The following ERBIN variants were observed in gnomAD, a reference collection of about 807,000 sequenced individuals.
ERBIN encodes erbb2 interacting protein.
A neutral mutation model predicts 158.4 loss-of-function variants in ERBIN; 60 were observed. The ratio of observed to expected loss-of-function variants is 0.38; its 90% CI spans 0.31 to 0.47. ERBIN has a LOEUF of 0.47. Among genes scored for constraint, ERBIN ranks in the 20% least tolerant of loss-of-function variants. The probability of loss-of-function intolerance (pLI) is 0.99; values close to 1 mark genes in which losing one functional copy is unlikely to be tolerated. For missense variants in ERBIN, 1,610 were observed against 1,648.0 expected (o/e 0.98, Z 0.40); for synonymous variants, 594 against 557.2 (o/e 1.07, Z -0.93).
At chr5:65,980,629 GA>G (rs955235809) in intron 1 of ERBIN, among the ~76,000 whole-genome samples, 6 of 151,822 alleles carry the variant, frequency 4.0e-5, no homozygotes, top group African/African-American at 1.5e-4. Context: ...GTAATCCATG[GA>G]AAATATATAC....
intron 1 of ERBIN, among the ~76,000 whole-genome samples, chr5:65,946,371 A>G (rs1363500593): frequency 6.6e-6 from 1 of 151,902 alleles, no homozygotes; most frequent in Non-Finnish European, 1.5e-5. Context: ...CTCATAAATG[A>G]ATGAATGAAT....
At chr5:66,023,229 A>G (rs964808052) in intron 8 of ERBIN, 61 bp from the exon 9 acceptor site, 16 of 1,222,050 alleles carry the variant, frequency 1.3e-5, no homozygotes, top group Admixed American at 3.7e-5. Flanking sequence ...TTCTTTTGCC[A>G]GATAAAGACA....
intron 4 of ERBIN, among the ~76,000 whole-genome samples, chr5:66,008,032 A>G (rs1043696448): frequency 1.3e-5 from 2 of 152,242 alleles, no homozygotes; most frequent in Non-Finnish European, 2.9e-5. Context: ...GAAAGCCAGT[A>G]GTAATTTAGA....
intron 21 of ERBIN, among the ~76,000 whole-genome samples, chr5:66,071,358 G>A (rs1171490696): frequency 1.3e-5 from 2 of 151,352 alleles, no homozygotes; most frequent in Non-Finnish European, 2.9e-5. Flanking sequence ...GGCAAAGTGA[G>A]ACTCTCTCCA....
intron 14 of ERBIN, 107 bp downstream of exon 14, chr5:66,028,450 A>G: frequency 1.6e-6 from 1 of 625,950 alleles, no homozygotes; most frequent in Non-Finnish European, 2.6e-6. Context: ...TGTGGTACAC[A>G]TGTAAACATA....
intron 1 of ERBIN, among the ~76,000 whole-genome samples, chr5:65,968,461 T>C (rs1748904664): frequency 6.6e-6 from 1 of 152,110 alleles, no homozygotes; most frequent in Non-Finnish European, 1.5e-5. Flanking sequence ...GAAAAGAAAA[T>C]TGACATCACT....
intron 21 of ERBIN, among the ~76,000 whole-genome samples, chr5:66,055,696 A>T (rs1759515748): frequency 6.6e-6 from 1 of 152,300 alleles, no homozygotes; most frequent in East Asian, 1.9e-4. Flanking sequence ...ATTTAACTTT[A>T]TACTTACTCA....
intron 21 of ERBIN, among the ~76,000 whole-genome samples, chr5:66,070,343 A>G (rs1363545148): frequency 2.0e-5 from 3 of 152,128 alleles, no homozygotes; most frequent in Middle Eastern, 3.2e-3. Flanking sequence ...GCGCCCAGCT[A>G]GGAACCTCCC....
Position 65,992,878 on chromosome 5 carries a change from G to C in ERBIN, c.160G>C (p.Asp54His). ...AAAAACCTTGGAGGAACTCTATTTA[G>C]ATGCTAATCAGATTGAAGAGCTTCC... The part of the protein sequence containing the change: ...FEKTLEELYL[D>H]ANQIEELPKQ... The change falls in exon 3 of 26, where the codon GAT becomes CAT. Residue 54 changes from aspartate (D) to histidine (H), a missense_variant. This residue lies in a region of ERBIN where 596 missense variants were observed against 711.9 expected (regional missense o/e 0.84). Coordinates refer to ENST00000284037, the MANE Select transcript of ERBIN (RefSeq NM_001253697.2). 1 of 1,606,954 alleles carries C rather than the reference G, an allele frequency of 6.2e-7. No homozygotes were observed. The highest frequency in any genetic ancestry group is 8.5e-7 in the Non-Finnish European group (1 of 1,177,946).
intron 1 of ERBIN, among the ~76,000 whole-genome samples, chr5:65,976,717 TCTTACGGAGCATGCTG>T (rs1177970235): frequency 6.6e-6 from 1 of 151,414 alleles, no homozygotes; most frequent in Non-Finnish European, 1.5e-5. Flanking sequence ...TGGTGATGAC[TCTTACGGAGCATGCTG>T]CCTTCAAGCA....
At position 66,025,925 on chromosome 5, in the gene ERBIN, A is replaced by C; in HGVS notation, c.968A>C (p.Asn323Thr). 6.3e-7 allele frequency: 1 copy of C among 1,595,274 alleles called. No individual in the cohort carries two copies. Among genetic ancestry groups the C allele is most frequent in the Non-Finnish European group, 8.5e-7 (1 of 1,171,620 alleles). The part of the protein sequence containing the change: ...ALPSSIGQLT[N>T]LRTFAADHNY... ...CCTTCATCTATTGGGCAGCTTACTAACTTAAGAACTTTTGCTGCTGATCAT... is the reference window on the plus strand; with the variant it reads ...CCTTCATCTATTGGGCAGCTTACTACCTTAAGAACTTTTGCTGCTGATCAT... Residue 323 changes from asparagine (N) to threonine (T), a missense_variant, in exon 12 of 26, where the codon AAC becomes ACC. Physicochemically the swap from Asn to Thr is moderately conservative, Grantham distance 65 (BLOSUM62 0). Transcript: ENST00000284037.
chr5:65,981,444 A>C (rs1182366462), intron 1 of ERBIN, among the ~76,000 whole-genome samples: 1 of 152,172 alleles, frequency 6.6e-6, no homozygotes, highest in Non-Finnish European at 1.5e-5. Context: ...ATACTCTAAG[A>C]AAATGAACAA....
Position 66,078,710 on chromosome 5 carries a change from T to C in ERBIN, c.*180T>C, listed in dbSNP as rs1337472880. ...AGGGAAAGAACCACTGTACAGAATA[T>C]AAAGGAGACTGTTGAATTCATACCA... On this transcript the variant is annotated 3_prime_UTR_variant, in exon 26 of 26. Coordinates refer to ENST00000284037, the MANE Select transcript of ERBIN (RefSeq NM_001253697.2). 1.7e-6 allele frequency: 1 copy of C among 572,976 alleles called. No individual in the cohort carries two copies. Among genetic ancestry groups the C allele is most frequent in the African/African-American group, 2.0e-5 (1 of 51,200 alleles). The allele number at this position is 572,976 out of a possible 1,614,324, so 35.5% of individuals were successfully genotyped here.
At chr5:65,963,492 G>A (rs1435259954) in intron 1 of ERBIN, among the ~76,000 whole-genome samples, 1 of 152,052 alleles carries the variant, frequency 6.6e-6, no homozygotes, top group Non-Finnish European at 1.5e-5. Flanking sequence ...CAGCTACTCC[G>A]GAGGCTGAGG....
chr5:66,067,505 C>T (rs1761108642), intron 21 of ERBIN, among the ~76,000 whole-genome samples: 1 of 152,168 alleles, frequency 6.6e-6, no homozygotes, highest in South Asian at 2.1e-4. Context: ...TGGGAATAAA[C>T]AAGTGGAACA....
At chr5:65,953,041 C>T (rs1213562456) in intron 1 of ERBIN, among the ~76,000 whole-genome samples, 2 of 152,182 alleles carry the variant, frequency 1.3e-5, no homozygotes, top group Non-Finnish European at 2.9e-5. Context: ...TATTTTCAGA[C>T]TTGTTGGAGT....
intron 4 of ERBIN, among the ~76,000 whole-genome samples, chr5:65,999,485 A>G (rs944439788): frequency 6.6e-6 from 1 of 152,208 alleles, no homozygotes; most frequent in Admixed American, 6.5e-5. Flanking sequence ...GAATCGGAAT[A>G]ACCACAACAT....
At chr5:66,061,705 T>C (rs1760374315) in intron 21 of ERBIN, among the ~76,000 whole-genome samples, 2 of 152,226 alleles carry the variant, frequency 1.3e-5, no homozygotes, top group South Asian at 2.1e-4. Flanking sequence ...CCATGTTTAG[T>C]GCTTCCTTCA....
At chr5:65,929,503 C>G (rs1743093999) in intron 1 of ERBIN, among the ~76,000 whole-genome samples, 1 of 152,170 alleles carries the variant, frequency 6.6e-6, no homozygotes, top group Non-Finnish European at 1.5e-5. Context: ...CTTACATACC[C>G]TACTTGGCTG....
Sources: gnomAD v4.1 joint callset for allele counts (sites outside exome capture counted in the v4.1 genomes callset) on GRCh38, gnomAD v4.1.1 for gene constraint, gnomAD v4.1.1 regional missense constraint, MANE v1.5 for transcripts, NCBI Gene and HGNC (gene_info 2026-07-23, HGNC 2026-07-21) for gene names.